GLB1: variants seen among roughly 807,000 people sequenced by gnomAD.
GLB1 encodes beta-galactosidase.
Under a neutral mutation model 74.0 loss-of-function variants are expected in GLB1, and 56 were observed. The observed-to-expected ratio is 0.76, with a 90% CI of 0.61 to 0.94. GLB1 has a LOEUF of 0.94. Among genes scored for constraint, GLB1 ranks in the 40% least tolerant of loss-of-function variants. GLB1 has a pLI of 0.00. For synonymous variants in GLB1, 323 were observed against 323.6 expected (o/e 1.00, Z 0.02); for missense variants, 787 against 845.5 (o/e 0.93, Z 0.86).
chr3:33,088,272 G>C (rs1575494027), intron 1 of GLB1, among the ~76,000 whole-genome samples: 1 of 151,902 alleles, frequency 6.6e-6, no homozygotes, highest in East Asian at 1.9e-4. Context: ...AGAGCAACTA[G>C]GCAAGAAAGA....
downstream of GLB1, among the ~76,000 whole-genome samples, chr3:32,993,864 T>C (rs1223412758): frequency 2.0e-5 from 3 of 151,964 alleles, no homozygotes; most frequent in Non-Finnish European, 4.4e-5. Context: ...AGATGAGGTC[T>C]TGCCATATTG....
rs755668722 is a variant in GLB1 at position 33,097,018 on chromosome 3, C to T, written c.68G>A (p.Gly23Asp). The change falls in exon 1 of 16, where the codon GGC (glycine) becomes GAC (aspartate). Residue 23 changes from glycine (G) to aspartate (D), a missense_variant. Gly to Asp is a moderately conservative substitution (Grantham distance 94). Transcript: ENST00000307363. ...LVLLLLGPTR[G>D]LRNATQRMFE... Reference sequence around the variant, plus strand: ...CGGGTCCCGCAGACTTACGCGCAAGCCGCGCGTAGGGCCCAGAAGCAGCAG... The same window carrying T: ...CGGGTCCCGCAGACTTACGCGCAAGTCGCGCGTAGGGCCCAGAAGCAGCAG... 1.7e-5 allele frequency: 27 copies of T among 1,612,074 alleles called. No individual in the cohort carries two copies. The highest frequency in any genetic ancestry group is 1.6e-4 in the Middle Eastern group (1 of 6,074).
At chr3:33,082,861 GAC>G in intron 1 of GLB1, among the ~76,000 whole-genome samples, 1 of 152,230 alleles carries the variant, frequency 6.6e-6, no homozygotes, top group Non-Finnish European at 1.5e-5. Flanking sequence ...GAGAGCAGGG[GAC>G]ATGTCTCTGA....
intron 10 of GLB1, chr3:33,045,807 T>C (rs983429762): frequency 2.6e-6 from 3 of 1,169,278 alleles, no homozygotes; most frequent in Admixed American, 3.6e-5. Context: ...GAGAAGAAAA[T>C]GGAGACAGAA....
chr3:33,026,111 C>T (rs1459970856), intron 10 of GLB1, among the ~76,000 whole-genome samples: 1 of 152,114 alleles, frequency 6.6e-6, no homozygotes, highest in Non-Finnish European at 1.5e-5. Flanking sequence ...AGGAGCTGGG[C>T]GTGGCTGCAG....
Position 33,065,569 on chromosome 3 carries a change from GAA to G in GLB1, c.458-14_458-13del. Reference sequence around the variant, plus strand: ...AGCTGCCAGGTAATCTGGAAAACAAGAAAAGTTTAACACAAGCTTGTCCAACC... The same window carrying G: ...AGCTGCCAGGTAATCTGGAAAACAAGAAGTTTAACACAAGCTTGTCCAACC... On this transcript the variant is annotated splice_polypyrimidine_tract_variant and intron_variant, in intron 4 of 15. Coordinates refer to ENST00000307363, the MANE Select transcript of GLB1 (RefSeq NM_000404.4). 2 of 1,562,212 alleles carry G rather than the reference GAA, an allele frequency of 1.3e-6. No individual in the cohort carries two copies. The highest frequency in any genetic ancestry group is 1.7e-6 in the Non-Finnish European group (2 of 1,151,128).
intron 1 of GLB1, among the ~76,000 whole-genome samples, chr3:33,073,547 G>A (rs1220038030): frequency 1.3e-5 from 2 of 152,044 alleles, no homozygotes; most frequent in African/African-American, 4.8e-5. Flanking sequence ...AATTAGCCGG[G>A]CATGGTGGTG....
At chr3:32,988,636 T>C in the GLB1 span, among the ~76,000 whole-genome samples, 80 of 152,322 alleles carry the variant, frequency 5.3e-4, no homozygotes, top group South Asian at 6.4e-3. Context: ...TCCACTTCTG[T>C]TTCCTGAACA....
intron 11 of GLB1, among the ~76,000 whole-genome samples, chr3:33,023,132 G>A (rs957823256): frequency 2.0e-5 from 3 of 152,042 alleles, no homozygotes; most frequent in African/African-American, 7.3e-5. Flanking sequence ...TTTCCTTCAC[G>A]GTAAACAGAA....
intron 11 of GLB1, among the ~76,000 whole-genome samples, chr3:33,023,818 T>C (rs764243438): frequency 2.6e-5 from 4 of 152,168 alleles, no homozygotes; most frequent in Non-Finnish European, 5.9e-5. Flanking sequence ...GACTTTGAGA[T>C]GGAGGTAAGT....
intron 2 of GLB1, among the ~76,000 whole-genome samples, chr3:33,069,706 T>C (rs1367853021): frequency 2.0e-5 from 3 of 152,242 alleles, no homozygotes; most frequent in Non-Finnish European, 4.4e-5. Flanking sequence ...AAGATAACTT[T>C]ATTTGAACAT....
intron 12 of GLB1, among the ~76,000 whole-genome samples, chr3:33,020,249 G>A (rs900189133): frequency 6.6e-6 from 1 of 152,146 alleles, no homozygotes; most frequent in African/African-American, 2.4e-5. Flanking sequence ...AAAATCACAG[G>A]TGTAAAAACA....
At chr3:33,090,316 G>T in intron 1 of GLB1, 1 of 827,546 alleles carries the variant, frequency 1.2e-6, no homozygotes, top group African/African-American at 1.9e-5. Flanking sequence ...AGAAAGGATG[G>T]CAGAGTGGTC....
At chr3:33,037,297 C>T (rs375422571) in intron 10 of GLB1, among the ~76,000 whole-genome samples, 2 of 152,128 alleles carry the variant, frequency 1.3e-5, no homozygotes, top group African/African-American at 2.4e-5. Context: ...CTGCCTGCCT[C>T]GGCCTCCCAA....
chr3:32,997,285 C>G lies in GLB1; in HGVS notation c.1794G>C (p.Gln598His). The change falls in exon 16 of 16, where the codon CAG becomes CAC. Residue 598 changes from glutamine (Q) to histidine (H), a missense_variant. Transcript: ENST00000307363. ...TGTGCTGGGGCACAAACAAGGTCAA[C>G]TGAGGGCCCCGGGCTGGCCAATAGC... is the stretch of plus-strand genomic sequence containing the variant. Reference protein sequence around the residue: ...LGRYWPARGPQLTLFVPQHIL... With the variant: ...LGRYWPARGPHLTLFVPQHIL... 6.2e-7 allele frequency: 1 copy of G among 1,614,152 alleles called. No homozygotes were observed. Among genetic ancestry groups the G allele is most frequent in the Non-Finnish European group, 8.5e-7 (1 of 1,180,032 alleles).
chr3:33,065,894 G>T (rs533018984), intron 4 of GLB1, among the ~76,000 whole-genome samples: 2 of 151,948 alleles, frequency 1.3e-5, no homozygotes, highest in African/African-American at 4.8e-5. Flanking sequence ...TTGAACCCGG[G>T]GGGGCGGAGG....
Position 33,046,218 on chromosome 3 carries a change from A to T in GLB1, c.970T>A (p.Tyr324Asn). ...FAYWNGANSP[Y>N]AAQPTSYDYD... The stretch of plus-strand genomic sequence containing the variant: ...TCGTAGCTGGTGGGCTGTGCTGCAT[A>T]GGGTGAGTTGGCCCCTAGAAGACAA... The change falls in exon 10 of 16, where the codon TAT becomes AAT. Residue 324 changes from tyrosine to asparagine, a missense_variant. Coordinates refer to ENST00000307363, the MANE Select transcript of GLB1 (RefSeq NM_000404.4). 6.2e-7 allele frequency: 1 copy of T among 1,614,018 alleles called. No individual in the cohort carries two copies. The highest frequency in any genetic ancestry group is 8.5e-7 in the Non-Finnish European group (1 of 1,179,982).
At chr3:33,018,343 A>C in intron 13 of GLB1, 105 bp downstream of exon 13, 5 of 565,380 alleles carry the variant, frequency 8.8e-6, no homozygotes, top group Non-Finnish European at 9.9e-6. Flanking sequence ...GTAGAGCCTG[A>C]GGCTGAAAAG....
At chr3:32,972,162 T>C in the GLB1 span, among the ~76,000 whole-genome samples, 1 of 152,242 alleles carries the variant, frequency 6.6e-6, no homozygotes. Flanking sequence ...CCCCCATCTA[T>C]ATGCTCAACC....
Sources: gnomAD v4.1 joint callset for allele counts (sites outside exome capture counted in the v4.1 genomes callset) on GRCh38, gnomAD v4.1.1 for gene constraint, MANE v1.5 for transcripts, NCBI Gene and HGNC (gene_info 2026-07-23, HGNC 2026-07-21) for gene names.